Variants in GTF2E1 observed in about 807,000 individuals in gnomAD.
GTF2E1 encodes the protein general transcription factor IIE subunit 1, also known as TFIIE alpha subunit.
In GTF2E1, 14 loss-of-function variants were observed where a neutral mutation model predicts 34.9. That is an observed-to-expected ratio of 0.40 (90% CI 0.27 to 0.63). GTF2E1 has a LOEUF of 0.63. Among genes scored for constraint, GTF2E1 ranks in the 20% least tolerant of loss-of-function variants. The pLI is 0.39. For synonymous variants in GTF2E1, 188 were observed against 192.9 expected (o/e 0.97, Z 0.21); for missense variants, 469 against 557.7 (o/e 0.84, Z 1.60).
At chr3:120,745,826 A>T (rs546905715) in intron 1 of GTF2E1, among the ~76,000 whole-genome samples, 2 of 152,308 alleles carry the variant, frequency 1.3e-5, no homozygotes, top group East Asian at 3.9e-4. Context: ...ACCGAAAAGG[A>T]GAGAAAAGTG....
At chr3:120,767,970 C>T (rs902864696) in intron 2 of GTF2E1, among the ~76,000 whole-genome samples, 1 of 152,048 alleles carries the variant, frequency 6.6e-6, no homozygotes, top group Non-Finnish European at 1.5e-5. Flanking sequence ...AAAAGCACTG[C>T]TGTTTTATGA....
At position 120,776,664 on chromosome 3, in the gene GTF2E1, G is replaced by A. The variant is rs1709403633; in HGVS notation, c.892G>A (p.Gly298Arg). 1.9e-6 allele frequency: 3 copies of A among 1,611,760 alleles called. No individual in the cohort carries two copies. In the African/African-American group the frequency reaches 4.0e-5, roughly 21 times the overall value. The stretch of plus-strand genomic sequence containing the variant: ...ATATGGTTCTGAAGATATGAAAGAA[G>A]GTAAGAGTAGAAGTCAGTAAAATGG... ...GAYGSEDMKE[G>R]GIDMDAFQER... is the part of the protein sequence containing the mutation. The change falls in exon 4 of 5, where the codon GGG (glycine) becomes AGG (arginine). Residue 298 changes from glycine to arginine, a missense_variant and splice_region_variant. By Grantham distance (125) the Gly-to-Arg change is moderately radical. Coordinates refer to ENST00000283875, the MANE Select transcript of GTF2E1 (RefSeq NM_005513.3).
intron 1 of GTF2E1, among the ~76,000 whole-genome samples, chr3:120,749,172 C>T (rs1709139767): frequency 6.6e-6 from 1 of 152,086 alleles, no homozygotes; most frequent in Non-Finnish European, 1.5e-5. Context: ...ATGGGGTTTT[C>T]TAGATATACA....
intron 1 of GTF2E1, among the ~76,000 whole-genome samples, chr3:120,744,678 T>C (rs1275549628): frequency 6.6e-6 from 1 of 152,204 alleles, no homozygotes; most frequent in Admixed American, 6.5e-5. Context: ...ATTCATTCTG[T>C]TCTCTTCTTG....
chr3:120,755,354 T>C (rs1252966361), intron 2 of GTF2E1, among the ~76,000 whole-genome samples: 1 of 152,228 alleles, frequency 6.6e-6, no homozygotes, highest in East Asian at 1.9e-4. Context: ...TCCCTTACCC[T>C]AACATTTAAA....
intron 2 of GTF2E1, among the ~76,000 whole-genome samples, chr3:120,762,039 C>T (rs890560813): frequency 6.6e-6 from 1 of 152,148 alleles, no homozygotes; most frequent in African/African-American, 2.4e-5. Context: ...ATCCACCTGC[C>T]TTGACCTCCC....
intron 3 of GTF2E1, among the ~76,000 whole-genome samples, chr3:120,775,912 G>A (rs914485787): frequency 1.3e-5 from 2 of 152,144 alleles, no homozygotes; most frequent in African/African-American, 4.8e-5. Context: ...GTCAGGCTTT[G>A]TAGAATAGTT....
chr3:120,759,838 G>C (rs1421455773), intron 2 of GTF2E1, among the ~76,000 whole-genome samples: 1 of 152,192 alleles, frequency 6.6e-6, no homozygotes, highest in Admixed American at 6.5e-5. Flanking sequence ...TTTGGTTACT[G>C]TAGCCTTGTA....
intron 1 of GTF2E1, among the ~76,000 whole-genome samples, chr3:120,747,598 A>C (rs1709118950): frequency 1.3e-5 from 2 of 152,150 alleles, no homozygotes; most frequent in South Asian, 4.1e-4. Flanking sequence ...TTATGGCTGC[A>C]TAGTATTCCA....
intron 1 of GTF2E1, among the ~76,000 whole-genome samples, chr3:120,747,556 T>C (rs1709118299): frequency 6.6e-6 from 1 of 152,230 alleles, no homozygotes; most frequent in Non-Finnish European, 1.5e-5. Flanking sequence ...ATTTCATCCA[T>C]GTCCCTACAA....
chr3:120,773,157 C>G (rs964515843), intron 3 of GTF2E1, among the ~76,000 whole-genome samples: 18 of 94,674 alleles, frequency 1.9e-4, no homozygotes, highest in African/African-American at 4.7e-4. Context: ...AGGAAAAAAA[C>G]CATTAGGTTA....
Position 120,781,463 on chromosome 3 carries a change from T to G in GTF2E1, c.1313T>G (p.Phe438Cys). 6.2e-7 allele frequency: 1 copy of G among 1,608,622 alleles called. No homozygotes were observed. Among genetic ancestry groups the G allele is most frequent in the Non-Finnish European group, 8.5e-7 (1 of 1,175,256 alleles). ...AMGQRMFEDL[F>C]E The stretch of plus-strand genomic sequence containing the variant: ...GGACAACGCATGTTTGAGGACCTCT[T>G]TGAGTGAGCTTTCCCTAATTCTTTC... The change falls in exon 5 of 5, where the codon TTT (phenylalanine) becomes TGT (cysteine). Residue 438 changes from phenylalanine (F) to cysteine (C), a missense_variant. Transcript: ENST00000283875.
chr3:120,775,587 C>T (rs1351020634), intron 3 of GTF2E1, among the ~76,000 whole-genome samples: 1 of 152,114 alleles, frequency 6.6e-6, no homozygotes, highest in African/African-American at 2.4e-5. Flanking sequence ...AATGGGGAAC[C>T]ATCAGAAATA....
chr3:120,753,895 G>C (rs1458301578), intron 2 of GTF2E1, among the ~76,000 whole-genome samples: 1 of 152,084 alleles, frequency 6.6e-6, no homozygotes. Flanking sequence ...GAATAGCCTA[G>C]CCTTTGCACA....
At chr3:120,757,573 A>T (rs1449281364) in intron 2 of GTF2E1, among the ~76,000 whole-genome samples, 3 of 152,216 alleles carry the variant, frequency 2.0e-5, no homozygotes, top group African/African-American at 7.2e-5. Context: ...ACTGTTTGCT[A>T]ATAGCAACTC....
At chr3:120,744,545 C>A (rs1257838291) in intron 1 of GTF2E1, among the ~76,000 whole-genome samples, 2 of 152,214 alleles carry the variant, frequency 1.3e-5, no homozygotes, top group African/African-American at 4.8e-5. Flanking sequence ...TTTCTCATGG[C>A]AGTACTTTTC....
At chr3:120,753,009 CT>C (rs1331627002) in intron 2 of GTF2E1, among the ~76,000 whole-genome samples, 2 of 152,022 alleles carry the variant, frequency 1.3e-5, no homozygotes, top group African/African-American at 4.8e-5. Flanking sequence ...ACATACTTGC[CT>C]TTTTATTGTA....
At chr3:120,754,174 A>ATGC (rs1234214661) in intron 2 of GTF2E1, among the ~76,000 whole-genome samples, 8 of 152,148 alleles carry the variant, frequency 5.3e-5, no homozygotes, top group Non-Finnish European at 1.2e-4. Context: ...GTTCAACAGC[A>ATGC]TGCTTCTCCT....
At chr3:120,743,632 C>T (rs1221941460) in intron 1 of GTF2E1, among the ~76,000 whole-genome samples, 1 of 152,060 alleles carries the variant, frequency 6.6e-6, no homozygotes, top group Non-Finnish European at 1.5e-5. Flanking sequence ...TTGTATGCTA[C>T]TTAATGGGGA....
Sources: gnomAD v4.1 joint callset for allele counts (sites outside exome capture counted in the v4.1 genomes callset) on GRCh38, gnomAD v4.1.1 for gene constraint, MANE v1.5 for transcripts, NCBI Gene and HGNC (gene_info 2026-07-23, HGNC 2026-07-21) for gene names.